The following RIPOR3 variants were observed in gnomAD, a reference collection of about 807,000 sequenced individuals.
RIPOR3 encodes RIPOR family member 3, also known as family with sequence similarity 65 member C.
Under a neutral mutation model 114.3 loss-of-function variants are expected in RIPOR3, and 95 were observed. The ratio of observed to expected loss-of-function variants is 0.83; its 90% CI spans 0.70 to 0.99. RIPOR3 has a LOEUF of 0.99. Among genes scored for constraint, RIPOR3 ranks in the 50% least tolerant of loss-of-function variants. The pLI is 0.00. For missense variants in RIPOR3, 1,252 were observed against 1,266.9 expected, an observed-to-expected ratio of 0.99 and a Z score of 0.18; for synonymous variants, 575 against 543.8, an observed-to-expected ratio of 1.06 and a Z score of -0.80.
chr20:50,683,459 T>TC (rs2086923753), intron 1 of RIPOR3, among the ~76,000 whole-genome samples: 2 of 151,308 alleles, frequency 1.3e-5, no homozygotes, highest in South Asian at 2.1e-4. Context: ...TTTTTCTTTT[T>TC]TTTTTTTCTT....
chr20:50,674,302 T>C (rs942427675), intron 1 of RIPOR3, among the ~76,000 whole-genome samples: 3 of 152,008 alleles, frequency 2.0e-5, no homozygotes, highest in Admixed American at 6.6e-5. Context: ...TGCTAACAAA[T>C]GTGACCTTGG....
chr20:50,594,308 A>G (rs2083213080), intron 17 of RIPOR3, among the ~76,000 whole-genome samples: 2 of 146,770 alleles, frequency 1.4e-5, no homozygotes, highest in South Asian at 4.3e-4. Context: ...GCACCGGCCC[A>G]CCAAGTTTGC....
intron 2 of RIPOR3, among the ~76,000 whole-genome samples, chr20:50,623,271 AAAAAAAAAG>A (rs1377735863): frequency 4.6e-5 from 7 of 151,448 alleles, no homozygotes; most frequent in South Asian, 4.2e-4. Flanking sequence ...AAAAAAAAAA[AAAAAAAAAG>A]AAAAAAAAGA....
In RIPOR3 at chr20:50,595,489, T is replaced by C. The variant is rs2083256044; in HGVS notation, c.1930A>G (p.Asn644Asp). The C allele has an allele frequency of 6.2e-7, 1 of 1,613,988 alleles. No homozygotes were observed. Among genetic ancestry groups the C allele is most frequent in the Admixed American group, 1.7e-5 (1 of 60,018 alleles). Residue 644 changes from asparagine to aspartate, a missense_variant, in exon 16 of 22, where the codon AAT becomes GAT. By Grantham distance (23) the Asn-to-Asp change is conservative (BLOSUM62 1). Coordinates refer to ENST00000327979, the MANE Select transcript of RIPOR3 (RefSeq NM_001290268.2). ...CATTCCTGGACCAGCCTTGATAAAT[T>C]AGGGGAGGCCAGTTTCTGGGAAGCA... Reference protein sequence around the residue: ...KALLQKLASPNLSRLVQECLL... With the variant: ...KALLQKLASPDLSRLVQECLL...
At chr20:50,609,078 G>A (rs2083849384) in intron 8 of RIPOR3, 123 bp from the exon 9 acceptor site, 5 of 1,377,316 alleles carry the variant, frequency 3.6e-6, no homozygotes, top group Admixed American at 4.0e-5. Context: ...GGATGGGGGG[G>A]AGGTACACCA....
chr20:50,610,958 T>G, intron 5 of RIPOR3, 52 bp from the exon 6 acceptor site: 1 of 1,610,134 alleles, frequency 6.2e-7, no homozygotes, highest in Non-Finnish European at 8.5e-7. Context: ...GCCACCCACC[T>G]GCCCCGCTTG....
Position 50,609,634 on chromosome 20 carries a change from G to A in RIPOR3, c.515C>T (p.Pro172Leu), listed in dbSNP as rs763527304. ...SMQRAFARCPPSRAARESLQE... is the reference protein window; with the variant it reads ...SMQRAFARCPLSRAARESLQE... ...CAGGCTCTCTCGGGCTGCGCGGCTCGGGGGGCACCGGGCGAAGGCCCGCTG... is the reference window on the plus strand; with the variant it reads ...CAGGCTCTCTCGGGCTGCGCGGCTCAGGGGGCACCGGGCGAAGGCCCGCTG... Residue 172 changes from proline (P) to leucine (L), a missense_variant, in exon 7 of 22, where the codon CCG becomes CTG. Pro to Leu is a moderately conservative substitution (Grantham distance 98). Transcript: ENST00000327979. 1.7e-5 allele frequency: 24 copies of A among 1,400,408 alleles called. No individual in the cohort carries two copies. The highest frequency in any genetic ancestry group is 1.9e-4 in the Middle Eastern group (1 of 5,230). The allele number at this position is 1,400,408 out of a possible 1,614,324, so 86.7% of individuals were successfully genotyped here. A position where few individuals can be genotyped will look rare whatever the true frequency, so the allele number is the denominator to read the frequency against.
intron 16 of RIPOR3, chr20:50,594,919 CACA>C (rs2083237096): frequency 8.8e-6 from 5 of 566,128 alleles, no homozygotes; most frequent in East Asian, 2.9e-5. Context: ...CTGCAGTCCC[CACA>C]ACAACCTGGG....
chr20:50,596,754 G>A (rs1050748356), intron 14 of RIPOR3, among the ~76,000 whole-genome samples: 10 of 152,222 alleles, frequency 6.6e-5, no homozygotes, highest in Non-Finnish European at 1.2e-4. Flanking sequence ...CACCGCACTC[G>A]TCCGTGGGAT....
chr20:50,629,324 G>T (rs906326827), intron 2 of RIPOR3, among the ~76,000 whole-genome samples: 5 of 152,186 alleles, frequency 3.3e-5, no homozygotes, highest in African/African-American at 1.2e-4. Flanking sequence ...CCACCCCGTT[G>T]GCTCAGACAG....
chr20:50,600,229 G>A (rs1415636241), intron 13 of RIPOR3, among the ~76,000 whole-genome samples: 1 of 152,040 alleles, frequency 6.6e-6, no homozygotes, highest in Non-Finnish European at 1.5e-5. Flanking sequence ...TTGCATAAAT[G>A]TGTGTGTGTG....
intron 13 of RIPOR3, among the ~76,000 whole-genome samples, chr20:50,598,347 A>G (rs560764607): frequency 6.6e-6 from 1 of 151,960 alleles, no homozygotes; most frequent in South Asian, 2.1e-4. Flanking sequence ...CCCTCCCTGG[A>G]GATTTCTGTC....
chr20:50,653,681 C>G (rs1419424940), intron 1 of RIPOR3, among the ~76,000 whole-genome samples: 2 of 151,742 alleles, frequency 1.3e-5, no homozygotes, highest in Non-Finnish European at 2.9e-5. Context: ...ACCTCTGCCT[C>G]CCGGGTTTGA....
At chr20:50,651,358 C>T (rs535681739) in intron 1 of RIPOR3, among the ~76,000 whole-genome samples, 2 of 152,300 alleles carry the variant, frequency 1.3e-5, no homozygotes, top group East Asian at 3.9e-4. Context: ...TTCAGCCTTG[C>T]GATGAGCAGA....
At chr20:50,660,749 CTTTTT>C (rs58201824) in intron 1 of RIPOR3, among the ~76,000 whole-genome samples, 2 of 83,254 alleles carry the variant, frequency 2.4e-5, no homozygotes, top group South Asian at 5.0e-4. Context: ...TGGGATTTAC[CTTTTT>C]TTTTTTTTTT....
At chr20:50,637,691 A>G (rs1190011146) in intron 1 of RIPOR3, among the ~76,000 whole-genome samples, 4 of 152,104 alleles carry the variant, frequency 2.6e-5, no homozygotes, top group Non-Finnish European at 5.9e-5. Context: ...CCTGGCCAAC[A>G]TGGTGAAACC....
intron 12 of RIPOR3, among the ~76,000 whole-genome samples, chr20:50,604,389 T>C (rs947988249): frequency 2.0e-5 from 3 of 152,182 alleles, no homozygotes; most frequent in Non-Finnish European, 2.9e-5. Flanking sequence ...GCCAAGGCCA[T>C]GACTGGGGTG....
intron 1 of RIPOR3, among the ~76,000 whole-genome samples, chr20:50,671,974 A>C (rs2086520107): frequency 9.1e-6 from 1 of 110,288 alleles, no homozygotes; most frequent in Non-Finnish European, 1.8e-5. Context: ...GGATAGGTGG[A>C]TGGGTGCGTG....
chr20:50,591,448 T>C (rs555590017), intron 19 of RIPOR3, among the ~76,000 whole-genome samples: 34 of 152,250 alleles, frequency 2.2e-4, no homozygotes, highest in African/African-American at 7.5e-4. Flanking sequence ...GCTTGGGTTA[T>C]GGGTGCAGGT....
Sources: gnomAD v4.1 joint callset for allele counts (sites outside exome capture counted in the v4.1 genomes callset) on GRCh38, gnomAD v4.1.1 for gene constraint, MANE v1.5 for transcripts, NCBI Gene and HGNC (gene_info 2026-07-23, HGNC 2026-07-21) for gene names.